DHRSX: variants seen among roughly 807,000 people sequenced by gnomAD.
The protein encoded by DHRSX is dehydrogenase/reductase X-linked.
In DHRSX, 31 loss-of-function variants were observed where a neutral mutation model predicts 34.0. The ratio of observed to expected loss-of-function variants is 0.91; its 90% confidence interval spans 0.69 to 1.23. DHRSX has a LOEUF of 1.23. Among genes scored for constraint, DHRSX ranks in the 50% most tolerant of loss-of-function variants. The pLI is 0.00. For missense variants in DHRSX, 414 were observed against 428.1 expected (o/e 0.97, Z 0.29); for synonymous variants, 201 against 183.8 (o/e 1.09, Z -0.76).
At chrX:2,458,924 C>T (rs763553574) in intron 1 of DHRSX, among the ~76,000 whole-genome samples, 3,720 of 150,902 alleles carry the variant, frequency 0.025, 74 homozygotes, top group Admixed American at 0.047. Flanking sequence ...AGGATCACTT[C>T]TGCCCAGGAA....
chrX:2,349,697 A>G (rs141927430), intron 3 of DHRSX, among the ~76,000 whole-genome samples: 8,718 of 151,628 alleles, frequency 0.057, 828 homozygotes, highest in African/African-American at 0.2. Flanking sequence ...AAAGAAAGAA[A>G]TAAAGAAAAT....
intron 6 of DHRSX, among the ~76,000 whole-genome samples, chrX:2,231,195 T>A (rs964509950): frequency 6.6e-6 from 1 of 152,108 alleles, no homozygotes; most frequent in African/African-American, 2.4e-5. Context: ...GATGTCTTTG[T>A]TCCTGGGGAG....
At chrX:2,389,392 T>C (rs1478655601) in intron 3 of DHRSX, among the ~76,000 whole-genome samples, 5 of 151,874 alleles carry the variant, frequency 3.3e-5, no homozygotes, top group Non-Finnish European at 5.9e-5. Flanking sequence ...GACTCTGTTT[T>C]GTGATGAAAG....
chrX:2,353,340 G>A (rs747874449), intron 3 of DHRSX, among the ~76,000 whole-genome samples: 4 of 152,128 alleles, frequency 2.6e-5, no homozygotes, highest in Admixed American at 2.6e-4. Context: ...GGGGAGTGGG[G>A]AACTCAGGTG....
At chrX:2,462,989 C>A (rs942985632) in intron 1 of DHRSX, among the ~76,000 whole-genome samples, 1 of 152,026 alleles carries the variant, frequency 6.6e-6, no homozygotes, top group Non-Finnish European at 1.5e-5. Context: ...TGAATAGGAT[C>A]ACTGTCCTTA....
At chrX:2,493,647 G>A (rs1262733897) in intron 1 of DHRSX, among the ~76,000 whole-genome samples, 1 of 151,940 alleles carries the variant, frequency 6.6e-6, no homozygotes, top group Admixed American at 6.6e-5. Flanking sequence ...TTATTAGGCT[G>A]AAAAAGGTCT....
At chrX:2,493,988 C>CAA (rs200899696) in intron 1 of DHRSX, among the ~76,000 whole-genome samples, 14 of 149,872 alleles carry the variant, frequency 9.3e-5, no homozygotes, top group South Asian at 2.1e-4. Context: ...AAGAAGAAAA[C>CAA]AAAAAAAAAG....
intron 1 of DHRSX, among the ~76,000 whole-genome samples, chrX:2,445,025 C>T (rs757958789): frequency 4.4e-4 from 67 of 151,960 alleles, no homozygotes; most frequent in African/African-American, 1.5e-3. Flanking sequence ...GGCCTGGTGG[C>T]GGACACCGGT....
intron 3 of DHRSX, among the ~76,000 whole-genome samples, chrX:2,335,553 C>A (rs952931845): frequency 1.3e-5 from 2 of 151,790 alleles, no homozygotes; most frequent in African/African-American, 4.8e-5. Flanking sequence ...CAGGTTCAAG[C>A]CATTCTCCTG....
At chrX:2,295,629 A>G (rs1382045775) in intron 3 of DHRSX, among the ~76,000 whole-genome samples, 2 of 152,196 alleles carry the variant, frequency 1.3e-5, no homozygotes, top group Non-Finnish European at 2.9e-5. Flanking sequence ...TTGACAGGAC[A>G]TAACTTTCTA....
At chrX:2,434,606 G>A (rs2043970499) in intron 1 of DHRSX, among the ~76,000 whole-genome samples, 1 of 152,224 alleles carries the variant, frequency 6.6e-6, no homozygotes, top group Non-Finnish European at 1.5e-5. Flanking sequence ...AGGAGGTCGA[G>A]GCTGCGGCAA....
chrX:2,258,751 C>T (rs73628259), intron 5 of DHRSX, among the ~76,000 whole-genome samples: 3,955 of 152,260 alleles, frequency 0.026, 196 homozygotes, highest in African/African-American at 0.09. Flanking sequence ...GAAAAAGGGG[C>T]CTATTTGGAA....
intron 5 of DHRSX, among the ~76,000 whole-genome samples, chrX:2,243,937 T>C (rs2016218249): frequency 6.6e-6 from 1 of 150,850 alleles, no homozygotes; most frequent in Non-Finnish European, 1.5e-5. Flanking sequence ...GCCCGGCTAA[T>C]TTTTTGTATT....
At chrX:2,362,575 C>T (rs1177126801) in intron 3 of DHRSX, among the ~76,000 whole-genome samples, 1 of 152,098 alleles carries the variant, frequency 6.6e-6, no homozygotes, top group East Asian at 1.9e-4. Flanking sequence ...CTAGGATTGC[C>T]GGCATAAGCC....
intron 3 of DHRSX, among the ~76,000 whole-genome samples, chrX:2,312,570 T>G (rs1200347591): frequency 2.0e-5 from 3 of 151,990 alleles, no homozygotes; most frequent in African/African-American, 7.2e-5. Flanking sequence ...ACAGGGGTCT[T>G]TCGGGGACTG....
At chrX:2,345,604 A>G (rs2042697298) in intron 3 of DHRSX, among the ~76,000 whole-genome samples, 1 of 148,778 alleles carries the variant, frequency 6.7e-6, no homozygotes, top group African/African-American at 2.5e-5. Flanking sequence ...CCAAGATCGC[A>G]CCGAGATCGC....
At chrX:2,461,825 C>G (rs888994514) in intron 1 of DHRSX, among the ~76,000 whole-genome samples, 42 of 152,134 alleles carry the variant, frequency 2.8e-4, no homozygotes, top group African/African-American at 9.9e-4. Context: ...TCTGCCTCCT[C>G]AGTAGCTGGG....
intron 4 of DHRSX, among the ~76,000 whole-genome samples, chrX:2,276,773 G>A (rs1377169041): frequency 6.8e-6 from 1 of 147,206 alleles, no homozygotes; most frequent in East Asian, 2.1e-4. Context: ...GGCAAAGAAG[G>A]AAGAGAGAAG....
At chrX:2,469,490 CT>C (rs1569504435) in intron 1 of DHRSX, among the ~76,000 whole-genome samples, 1 of 150,836 alleles carries the variant, frequency 6.6e-6, no homozygotes, top group Non-Finnish European at 1.5e-5. Flanking sequence ...AAGACGCTCC[CT>C]AAGCATGTGG....
Sources: allele counts gnomAD v4.1 joint callset (sites outside exome capture counted in the v4.1 genomes callset), GRCh38; gene constraint gnomAD v4.1.1; transcripts MANE v1.5; gene names NCBI Gene and HGNC (gene_info 2026-07-23, HGNC 2026-07-21).